GORAB: variants seen among roughly 807,000 people sequenced by gnomAD.
GORAB encodes RAB6-interacting golgin.
In GORAB, 17 loss-of-function variants were observed where a neutral mutation model predicts 29.9. That is an observed-to-expected ratio of 0.57 (90% CI 0.39 to 0.85). The LOEUF (loss-of-function observed/expected upper bound fraction) is 0.85, where lower values mean the gene tolerates loss of function less well. Ranked by LOEUF, GORAB falls within the 40% of genes least tolerant of loss-of-function variation. The pLI is 0.00. For missense variants in GORAB, 442 were observed against 437.8 expected (o/e 1.01, Z -0.09); for synonymous variants, 183 against 157.2 (o/e 1.16, Z -1.23).
chr1:170,551,636 T>C (rs1650110690), intron 4 of GORAB, among the ~76,000 whole-genome samples: 1 of 152,142 alleles, frequency 6.6e-6, no homozygotes, highest in Admixed American at 6.5e-5. Flanking sequence ...TGGCTTGAAA[T>C]TGGACAGGGT....
rs767053862 is a variant in GORAB, at chr1:170,552,613, C to T, written c.*151C>T. On this transcript the variant is annotated 3_prime_UTR_variant, in exon 5 of 5. Transcript: ENST00000367763. ...TAGTAAATTAATAGGTTTGGCCATT[C>T]TAAAATCCAAAATTATGATAACTGT... 5.4e-6 allele frequency: 4 copies of T among 746,210 alleles called. No homozygotes were observed. In the East Asian group the frequency reaches 1.1e-4, roughly 20 times the overall value. The allele number at this position is 746,210 out of a possible 1,614,324, so 46.2% of individuals were successfully genotyped here. A position where few individuals can be genotyped will look rare whatever the true frequency, so the allele number is the denominator to read the frequency against.
At chr1:170,532,943 ATAGAG>A (rs1407094118) in intron 1 of GORAB, among the ~76,000 whole-genome samples, 1 of 152,222 alleles carries the variant, frequency 6.6e-6, no homozygotes, top group Non-Finnish European at 1.5e-5. Context: ...CTCTGGCTTT[ATAGAG>A]TAATCATTGA....
At chr1:170,548,742 A>G (rs961197327) in intron 4 of GORAB, among the ~76,000 whole-genome samples, 1 of 152,202 alleles carries the variant, frequency 6.6e-6, no homozygotes, top group African/African-American at 2.4e-5. Context: ...AAAAGGGAAT[A>G]ATTGATAAGT....
rs1178594719 is a variant in GORAB at position 170,532,427 on chromosome 1, G to C, written c.61+143G>C. On this transcript the variant is annotated intron_variant, in intron 1 of 4. Coordinates refer to ENST00000367763, the MANE Select transcript of GORAB (RefSeq NM_152281.3). Reference sequence around the variant, plus strand: ...CTGTAAGTACGTGGACTGGATTAGGGGGTTTCAGAGGAGGACTTACTGGGA... The same window carrying C: ...CTGTAAGTACGTGGACTGGATTAGGCGGTTTCAGAGGAGGACTTACTGGGA... The C allele has an allele frequency of 1.0e-5, 9 of 871,780 alleles. No homozygotes were observed. In the East Asian group the frequency reaches 1.2e-4, roughly 12 times the overall value. The allele number at this position is 871,780 out of a possible 1,614,324, so 54.0% of individuals were successfully genotyped here.
In GORAB at chr1:170,532,171, C is replaced by A. The variant is rs150688009; in HGVS notation, c.-53C>A. ...CGGATGAGCTGGGCAGCAGTGTTGGCAGTCGCGGCTGCGAGATTTGGGCAC... is the reference window on the plus strand; with the variant it reads ...CGGATGAGCTGGGCAGCAGTGTTGGAAGTCGCGGCTGCGAGATTTGGGCAC... On this transcript the variant is annotated 5_prime_UTR_variant, in exon 1 of 5. Transcript: ENST00000367763. 19 of 1,613,248 alleles carry A rather than the reference C, an allele frequency of 1.2e-5. No homozygotes were observed. In the African/African-American group the frequency reaches 2.3e-4, roughly 19 times the overall value.
intron 2 of GORAB, among the ~76,000 whole-genome samples, chr1:170,542,155 AATAC>A (rs1649472824): frequency 1.3e-5 from 2 of 152,368 alleles, no homozygotes; most frequent in South Asian, 4.1e-4. Flanking sequence ...TTCTGCATAT[AATAC>A]ATAATTAACT....
At chr1:170,538,916 C>G (rs1202631561) in intron 1 of GORAB, 3 of 378,722 alleles carry the variant, frequency 7.9e-6, no homozygotes, top group African/African-American at 4.1e-5. Flanking sequence ...ACTATGAAAT[C>G]AAGTTGAAAA....
chr1:170,543,262 T>C (rs1234928308), intron 3 of GORAB, among the ~76,000 whole-genome samples: 1 of 152,242 alleles, frequency 6.6e-6, no homozygotes, highest in Non-Finnish European at 1.5e-5. Flanking sequence ...CTTGCTGAGT[T>C]TGTAGTTTCT....
In GORAB at chr1:170,552,457, A is replaced by G. The variant is rs1364142925; in HGVS notation, c.1105A>G (p.Thr369Ala). 2 of 1,613,418 alleles carry G rather than the reference A, an allele frequency of 1.2e-6. No individual in the cohort carries two copies. Among genetic ancestry groups the G allele is most frequent in the Non-Finnish European group, 1.7e-6 (2 of 1,179,622 alleles). The change falls in exon 5 of 5, where the codon ACA becomes GCA. Residue 369 changes from threonine to alanine, a missense_variant. Physicochemically the swap from Thr to Ala is moderately conservative, Grantham distance 58. Coordinates refer to ENST00000367763, the MANE Select transcript of GORAB (RefSeq NM_152281.3). Reference sequence around the variant, plus strand: ...TAATGACATTTCAGCTGCTTTGGCCACATGAAGTTCTGGTATTCTTTTGAG... The same window carrying G: ...TAATGACATTTCAGCTGCTTTGGCCGCATGAAGTTCTGGTATTCTTTTGAG... ...EGNDISAALAT is the reference protein window; with the variant it reads ...EGNDISAALAA
Position 170,545,847 on chromosome 1 carries a change from A to T in GORAB, c.662+1002A>T, listed in dbSNP as rs537749495. Reference sequence around the variant, plus strand: ...TTGTTGTTGGACCATATGCTATTAGACTTAGAGTTGTCTTTATTAATTAAC... The same window carrying T: ...TTGTTGTTGGACCATATGCTATTAGTCTTAGAGTTGTCTTTATTAATTAAC... On this transcript the variant is annotated intron_variant, in intron 4 of 4. Transcript: ENST00000367763. 4 of 576,046 alleles carry T rather than the reference A, an allele frequency of 6.9e-6. No homozygotes were observed. In the East Asian group the frequency reaches 5.8e-4, roughly 83 times the overall value. 35.7% of individuals were successfully genotyped at this position (576,046 alleles called of 1,614,324 possible).
chr1:170,539,104 A>G, intron 1 of GORAB, 106 bp from the exon 2 acceptor site: 1 of 1,364,336 alleles, frequency 7.3e-7, no homozygotes, highest in Non-Finnish European at 1.0e-6. Flanking sequence ...GGGTAGGAGA[A>G]CCACTAGAAT....
intron 1 of GORAB, among the ~76,000 whole-genome samples, chr1:170,535,997 C>G (rs1649039654): frequency 6.6e-6 from 1 of 152,060 alleles, no homozygotes; most frequent in African/African-American, 2.4e-5. Flanking sequence ...GACCTTCTAT[C>G]TTTTCATATA....
chr1:170,541,382 A>G (rs185575859), intron 2 of GORAB, among the ~76,000 whole-genome samples: 1 of 152,182 alleles, frequency 6.6e-6, no homozygotes, highest in South Asian at 2.1e-4. Context: ...AAAGGCCGCA[A>G]TCAAAATAAA....
rs1460371555 is a variant in GORAB, at chr1:170,542,551, TA to T, written c.483del (p.Lys161AsnfsTer23). 3.7e-6 allele frequency: 6 copies of T among 1,613,530 alleles called. No homozygotes were observed. Among genetic ancestry groups the T allele is most frequent in the Non-Finnish European group, 5.1e-6 (6 of 1,179,782 alleles). On this transcript the variant is annotated frameshift_variant, in exon 3 of 5. Transcript: ENST00000367763. LOFTEE classifies it high-confidence loss of function. ...QEQRLMEEKN[K>X]RKKALLAKAI... ...AACAACGGCTAATGGAAGAGAAAAA[TA>T]AACGTAAAAAAGCTCTTTTGGCTAA...
chr1:170,540,937 C>G (rs1472000687), intron 2 of GORAB, among the ~76,000 whole-genome samples: 3 of 151,810 alleles, frequency 2.0e-5, no homozygotes, highest in Non-Finnish European at 4.4e-5. Context: ...GCGTGGTGGC[C>G]CACACCTATA....
chr1:170,538,441 G>C (rs537751136), intron 1 of GORAB, among the ~76,000 whole-genome samples: 1 of 152,244 alleles, frequency 6.6e-6, no homozygotes, highest in African/African-American at 2.4e-5. Flanking sequence ...TTCTCCAATT[G>C]TCTGCCCTAA....
Position 170,540,261 on chromosome 1 carries a change from A to G in GORAB, c.419+694A>G, listed in dbSNP as rs549609867. On this transcript the variant is annotated intron_variant, in intron 2 of 4. Transcript: ENST00000367763. ...TGTCTTTGTATTAGAAACAACCTTC[A>G]TAATTTAGCTACACTGTTCTTGTGG... Among the ~76,000 whole-genome samples, 20 of 152,194 alleles carry G rather than the reference A, an allele frequency of 1.3e-4. No homozygotes were observed. The East Asian group carries it at 3.7e-3, about 28-fold the overall frequency.
chr1:170,543,239 A>T (rs1649549894), intron 3 of GORAB, among the ~76,000 whole-genome samples: 1 of 152,202 alleles, frequency 6.6e-6, no homozygotes, highest in Non-Finnish European at 1.5e-5. Context: ...CATTCTTCCC[A>T]TCCCCCACCA....
rs1648717284 is a variant in GORAB at position 170,532,202 on chromosome 1, G to A, written c.-22G>A. On this transcript the variant is annotated 5_prime_UTR_variant, in exon 1 of 5. Transcript: ENST00000367763. ...CGGCTGCGAGATTTGGGCACTTTTG[G>A]GGGTGCCGGTGGCCCGGGCCGATGG... 6.2e-7 allele frequency: 1 copy of A among 1,613,996 alleles called. No individual in the cohort carries two copies. The highest frequency in any genetic ancestry group is 8.5e-7 in the Non-Finnish European group (1 of 1,180,030).
Sources: gnomAD v4.1 joint callset for allele counts (sites outside exome capture counted in the v4.1 genomes callset) on GRCh38, gnomAD v4.1.1 for gene constraint, MANE v1.5 for transcripts, NCBI Gene and HGNC (gene_info 2026-07-23, HGNC 2026-07-21) for gene names.